Variants in PLEKHM1 observed in about 807,000 individuals in gnomAD.
PLEKHM1 encodes the protein pleckstrin homology and RUN domain containing M1.
PLEKHM1 carries 28 observed loss-of-function variants against 94.3 expected under a neutral mutation model. That is an observed-to-expected ratio of 0.30 (90% CI 0.22 to 0.41). The LOEUF is 0.41. PLEKHM1 is among the 10% of genes least tolerant of loss of function. PLEKHM1 has a pLI of 1.00. For missense variants in PLEKHM1, 907 were observed against 1,358.6 expected (o/e 0.67, Z 5.22); for synonymous variants, 424 against 581.2 (o/e 0.73, Z 3.89).
rs769001956 is a variant in PLEKHM1, at chr17:45,490,693, G to A, written c.-83C>T. The A allele has an allele frequency of 2.2e-6, 1 of 450,712 alleles. No homozygotes were observed. Among genetic ancestry groups the A allele is most frequent in the Non-Finnish European group, 4.5e-6 (1 of 224,692 alleles). The allele number at this position is 450,712 out of a possible 1,614,324, so 27.9% of individuals were successfully genotyped here. A position where few individuals can be genotyped will look rare whatever the true frequency, so the allele number is the denominator to read the frequency against. Reference sequence around the variant, plus strand: ...CGAGGCGAGGGGCGCTCCCGGCCGCGGCAGCCCCTCAGCCTCCGAGCCGAC... The same window carrying A: ...CGAGGCGAGGGGCGCTCCCGGCCGCAGCAGCCCCTCAGCCTCCGAGCCGAC... On this transcript the variant is annotated 5_prime_UTR_variant, in exon 1 of 12. Transcript: ENST00000430334.
intron 8 of PLEKHM1, among the ~76,000 whole-genome samples, chr17:45,448,342 C>T (rs146335082): frequency 4.5e-4 from 69 of 152,344 alleles, no homozygotes; most frequent in African/African-American, 1.5e-3. Context: ...CCAACTTCTG[C>T]GGGGTTTCCC....
chr17:45,452,865 G>A (rs945995490), intron 7 of PLEKHM1: 5 of 195,186 alleles, frequency 2.6e-5, no homozygotes, highest in Non-Finnish European at 5.4e-5. Flanking sequence ...TACATGGCTC[G>A]CAGCTATGGC....
chr17:45,441,507 G>A (rs2050446123), intron 9 of PLEKHM1, among the ~76,000 whole-genome samples: 1 of 152,214 alleles, frequency 6.6e-6, no homozygotes, highest in African/African-American at 2.4e-5. Flanking sequence ...AGCAGGCTGG[G>A]GGGACACAGG....
At chr17:45,485,783 A>G (rs1278899473) in intron 1 of PLEKHM1, among the ~76,000 whole-genome samples, 1 of 151,612 alleles carries the variant, frequency 6.6e-6, no homozygotes, top group African/African-American at 2.4e-5. Context: ...CATGCCTGTA[A>G]TACCAGCTAC....
In PLEKHM1 at chr17:45,475,745, C is replaced by A. The variant is rs755243650; in HGVS notation, c.297-19G>T. 3.8e-6 allele frequency: 6 copies of A among 1,581,780 alleles called. No individual in the cohort carries two copies. Among genetic ancestry groups the A allele is most frequent in the Non-Finnish European group, 5.2e-6 (6 of 1,163,586 alleles). On this transcript the variant is annotated intron_variant, in intron 3 of 11. Coordinates refer to ENST00000430334, the MANE Select transcript of PLEKHM1 (RefSeq NM_014798.3). ...GATGTGTCTGGGAAGGGAGAACAGA[C>A]GTGTTTCAAGAAACTACCCCAAATC...
intron 4 of PLEKHM1, among the ~76,000 whole-genome samples, chr17:45,470,467 A>G (rs1307043099): frequency 2.0e-5 from 3 of 152,298 alleles, no homozygotes; most frequent in African/African-American, 7.2e-5. Flanking sequence ...TGTTTCTAAT[A>G]AAAATACAAA....
In PLEKHM1 at chr17:45,464,815, C is replaced by T. The variant is rs550234437; in HGVS notation, c.1308+3394G>A. On this transcript the variant is annotated intron_variant, in intron 5 of 11. Transcript: ENST00000430334. ...CTCGATGGTACACTTCGATGACCCA[C>T]TTTGGCCTCCCAAATTGCTAGGATT... 4.3e-4 allele frequency among the ~76,000 whole-genome samples: 65 copies of T among 152,380 alleles called. 2 individuals are homozygous for T. The highest frequency in any genetic ancestry group is 2.4e-3 in the Admixed American group (36 of 15,304).
At chr17:45,462,892 G>A (rs2051195621) in intron 5 of PLEKHM1, among the ~76,000 whole-genome samples, 4 of 151,982 alleles carry the variant, frequency 2.6e-5, no homozygotes. Flanking sequence ...GACCAGCCTG[G>A]CCAACATGGA....
chr17:45,482,092 T>C (rs1165371048), intron 2 of PLEKHM1, among the ~76,000 whole-genome samples: 1 of 151,376 alleles, frequency 6.6e-6, no homozygotes, highest in Non-Finnish European at 1.5e-5. Flanking sequence ...CCCCCATTAC[T>C]GAAACAACAA....
intron 11 of PLEKHM1, 88 bp downstream of exon 11, chr17:45,439,389 C>T (rs945778876): frequency 2.3e-5 from 34 of 1,452,308 alleles, no homozygotes; most frequent in African/African-American, 2.0e-4. Flanking sequence ...GCCCACAGAG[C>T]GAAGCCTGCT....
intron 1 of PLEKHM1, among the ~76,000 whole-genome samples, chr17:45,485,991 C>T (rs555385040): frequency 1.8e-3 from 252 of 142,222 alleles, no homozygotes; most frequent in Middle Eastern, 0.014. Context: ...CCGAGGCCGG[C>T]GGATCACGAG....
downstream of PLEKHM1, among the ~76,000 whole-genome samples, chr17:45,435,119 C>G (rs1436826439): frequency 6.6e-6 from 1 of 152,158 alleles, no homozygotes; most frequent in African/African-American, 2.4e-5. Context: ...CCCAGTTTCT[C>G]TTCTCTTCTC....
At chr17:45,486,719 A>C (rs1261465445) in intron 1 of PLEKHM1, among the ~76,000 whole-genome samples, 1 of 152,230 alleles carries the variant, frequency 6.6e-6, no homozygotes, top group Non-Finnish European at 1.5e-5. Context: ...CCACTTGAAA[A>C]TTCACAAGAC....
At chr17:45,483,065 G>C (rs983299523) in intron 1 of PLEKHM1, among the ~76,000 whole-genome samples, 5 of 151,776 alleles carry the variant, frequency 3.3e-5, no homozygotes, top group African/African-American at 1.2e-4. Context: ...GGCTTCAAAA[G>C]GGGAGGGCTC....
At chr17:45,487,919 A>G (rs2052181062) in intron 1 of PLEKHM1, 1 of 383,606 alleles carries the variant, frequency 2.6e-6, no homozygotes, top group Non-Finnish European at 5.2e-6. Context: ...CCAATTGATG[A>G]GTCATGTTTT....
Position 45,477,900 on chromosome 17 carries a change from T to C in PLEKHM1, c.296A>G (p.Lys99Arg). Reference sequence around the variant, plus strand: ...CAAAACCTCTCCAGCTAAATCTCACTTGTGGGTGACAGCTTTCAGGAGGGG... The same window carrying C: ...CAAAACCTCTCCAGCTAAATCTCACCTGTGGGTGACAGCTTTCAGGAGGGG... Reference protein sequence around the residue: ...FWPLLKAVTHKHIISELEHLT... With the variant: ...FWPLLKAVTHRHIISELEHLT... Residue 99 changes from lysine to arginine, a missense_variant and splice_region_variant, in exon 3 of 12, where the codon AAA becomes AGA. Physicochemically the swap from Lys to Arg is conservative, Grantham distance 26. Transcript: ENST00000430334. 6 of 1,613,928 alleles carry C rather than the reference T, an allele frequency of 3.7e-6. No homozygotes were observed. Among genetic ancestry groups the C allele is most frequent in the Non-Finnish European group, 5.1e-6 (6 of 1,179,954 alleles).
intron 8 of PLEKHM1, chr17:45,446,019 T>C (rs2050595425): frequency 5.1e-6 from 2 of 395,024 alleles, no homozygotes; most frequent in Non-Finnish European, 4.7e-6. Flanking sequence ...AGCCCCTATT[T>C]CCCCCCACTG....
chr17:45,443,942 G>C (rs948705924), intron 9 of PLEKHM1, among the ~76,000 whole-genome samples: 27 of 152,104 alleles, frequency 1.8e-4, no homozygotes, highest in Non-Finnish European at 3.2e-4. Context: ...TCCCTGGAAG[G>C]CTTTCTGTTC....
At chr17:45,478,173 G>A (rs1326168198) in intron 2 of PLEKHM1, 26 bp from the exon 3 acceptor site, 6 of 1,613,936 alleles carry the variant, frequency 3.7e-6, no homozygotes, top group South Asian at 2.2e-5. Flanking sequence ...CAGAACACAG[G>A]CCTTTAGCGG....
Sources: gnomAD v4.1 joint callset for allele counts (sites outside exome capture counted in the v4.1 genomes callset) on GRCh38, gnomAD v4.1.1 for gene constraint, MANE v1.5 for transcripts, NCBI Gene and HGNC (gene_info 2026-07-23, HGNC 2026-07-21) for gene names.